SPECC1: variants seen among roughly 807,000 people sequenced by gnomAD.
SPECC1 encodes the protein sperm antigen with calponin homology and coiled-coil domains 1, also known as cytospin-B.
SPECC1 carries 62 observed loss-of-function variants against 104.1 expected under a neutral mutation model. The observed-to-expected ratio is 0.60, with a 90% CI of 0.49 to 0.74. The LOEUF (loss-of-function observed/expected upper bound fraction) is 0.74. Ranked by LOEUF, SPECC1 falls within the 30% of genes least tolerant of loss-of-function variation. SPECC1 has a pLI of 0.00. For synonymous variants in SPECC1, 513 were observed against 501.6 expected, an observed-to-expected ratio of 1.02 and a Z score of -0.30; for missense variants, 1,306 against 1,310.5, an observed-to-expected ratio of 1.00 and a Z score of 0.05.
chr17:20,091,531 C>T (rs908613528), intron 1 of SPECC1, among the ~76,000 whole-genome samples: 3 of 152,154 alleles, frequency 2.0e-5, no homozygotes, highest in African/African-American at 7.2e-5. Flanking sequence ...CAGTAGCACC[C>T]CAAGTTGTGA....
intron 3 of SPECC1, chr17:20,156,375 G>A: frequency 3.0e-6 from 3 of 995,496 alleles, no homozygotes; most frequent in South Asian, 4.4e-5. Context: ...TCTTGTCGTT[G>A]GAATGCGCCG....
chr17:20,251,104 G>A (rs1160249030), intron 9 of SPECC1, among the ~76,000 whole-genome samples: 1 of 151,210 alleles, frequency 6.6e-6, no homozygotes, highest in Non-Finnish European at 1.5e-5. Flanking sequence ...GTGCACGCCT[G>A]TAACCCCCAG....
At chr17:20,031,966 A>G (rs1254246191) in intron 1 of SPECC1, among the ~76,000 whole-genome samples, 6 of 152,214 alleles carry the variant, frequency 3.9e-5, no homozygotes, top group Non-Finnish European at 7.3e-5. Context: ...ACATGGATGT[A>G]CAAATAACTC....
chr17:20,167,646 C>G (rs2033767271), intron 3 of SPECC1, among the ~76,000 whole-genome samples: 1 of 152,096 alleles, frequency 6.6e-6, no homozygotes, highest in Non-Finnish European at 1.5e-5. Context: ...CCATTGCACT[C>G]CAGCCTGGGC....
intron 1 of SPECC1, among the ~76,000 whole-genome samples, chr17:20,054,030 GT>G (rs2045872686): frequency 6.6e-6 from 1 of 152,112 alleles, no homozygotes; most frequent in Admixed American, 6.5e-5. Context: ...TTTCATCTAG[GT>G]ATCTGTTGAT....
chr17:20,130,178 A>G (rs900368655), intron 3 of SPECC1, among the ~76,000 whole-genome samples: 1 of 152,186 alleles, frequency 6.6e-6, no homozygotes, highest in African/African-American at 2.4e-5. Flanking sequence ...GACTTGGGTC[A>G]AGGTTACTTT....
chr17:20,092,002 T>G (rs2047423019), intron 1 of SPECC1, among the ~76,000 whole-genome samples: 1 of 152,134 alleles, frequency 6.6e-6, no homozygotes, highest in African/African-American at 2.4e-5. Context: ...GACTCTGACT[T>G]TAACTGTTGC....
At chr17:20,231,329 C>T (rs2038562998) in intron 5 of SPECC1, among the ~76,000 whole-genome samples, 1 of 152,182 alleles carries the variant, frequency 6.6e-6, no homozygotes, top group Non-Finnish European at 1.5e-5. Flanking sequence ...CTTTACAAAT[C>T]ACAGGAGGAA....
chr17:20,254,139 G>C (rs968679958), intron 10 of SPECC1, among the ~76,000 whole-genome samples: 3 of 128,492 alleles, frequency 2.3e-5, no homozygotes, highest in African/African-American at 7.7e-5. Context: ...TACACCGTGT[G>C]TGTGTGTGTG....
chr17:20,225,198 G>T (rs551188948), intron 4 of SPECC1, among the ~76,000 whole-genome samples: 2 of 152,132 alleles, frequency 1.3e-5, no homozygotes, highest in Non-Finnish European at 2.9e-5. Context: ...TTCCCTCTCC[G>T]CCCAGAGCTG....
intron 1 of SPECC1, among the ~76,000 whole-genome samples, chr17:20,087,973 C>A (rs1483439079): frequency 6.6e-6 from 1 of 152,122 alleles, no homozygotes; most frequent in Non-Finnish European, 1.5e-5. Flanking sequence ...GCTGGGGGGA[C>A]ATTCTGGACA....
intron 1 of SPECC1, among the ~76,000 whole-genome samples, chr17:20,074,247 A>T (rs970189934): frequency 2.0e-5 from 3 of 152,164 alleles, no homozygotes; most frequent in African/African-American, 7.2e-5. Flanking sequence ...GGGTCTGATA[A>T]TGTCGCAATG....
At chr17:20,269,848 G>C (rs1322858696) in intron 12 of SPECC1, among the ~76,000 whole-genome samples, 1 of 152,160 alleles carries the variant, frequency 6.6e-6, no homozygotes, top group Non-Finnish European at 1.5e-5. Flanking sequence ...ATAAATCTGT[G>C]AATAGCCGTG....
At chr17:20,207,151 T>C (rs2036842175) in intron 4 of SPECC1, among the ~76,000 whole-genome samples, 1 of 152,106 alleles carries the variant, frequency 6.6e-6, no homozygotes, top group South Asian at 2.1e-4. Flanking sequence ...CTTCCTACCT[T>C]AGTTTAGGGG....
At chr17:20,295,468 C>T (rs898799558) in intron 12 of SPECC1, among the ~76,000 whole-genome samples, 3 of 151,932 alleles carry the variant, frequency 2.0e-5, no homozygotes, top group South Asian at 4.2e-4. Flanking sequence ...TGATTAGTGC[C>T]GCAATAAACA....
chr17:20,047,014 C>T (rs554694482), intron 1 of SPECC1, among the ~76,000 whole-genome samples: 20 of 152,120 alleles, frequency 1.3e-4, no homozygotes, highest in African/African-American at 3.4e-4. Context: ...GCAGGAAAGC[C>T]GGGCGAGAGA....
chr17:20,185,420 A>G (rs1274244856), intron 3 of SPECC1, among the ~76,000 whole-genome samples: 1 of 152,106 alleles, frequency 6.6e-6, no homozygotes, highest in Non-Finnish European at 1.5e-5. Context: ...AAGTCCAACC[A>G]CTGTGAGGCT....
intron 1 of SPECC1, 130 bp from the exon 2 acceptor site, chr17:20,096,501 C>A: frequency 3.7e-6 from 4 of 1,089,108 alleles, no homozygotes; most frequent in Non-Finnish European, 2.7e-6. Context: ...ATTCTATTTC[C>A]AGCCAAATCA....
intron 1 of SPECC1, among the ~76,000 whole-genome samples, chr17:20,078,054 C>T (rs939882600): frequency 4.0e-5 from 6 of 151,648 alleles, no homozygotes; most frequent in Admixed American, 2.0e-4. Context: ...ATAGATGACT[C>T]TATATACATG....
Sources: allele counts gnomAD v4.1 joint callset (sites outside exome capture counted in the v4.1 genomes callset), GRCh38; gene constraint gnomAD v4.1.1; transcripts MANE v1.5; gene names NCBI Gene and HGNC (gene_info 2026-07-23, HGNC 2026-07-21).